FGF13: variants seen among roughly 807,000 people sequenced by gnomAD.
The protein encoded by FGF13 is fibroblast growth factor 13.
FGF13 carries 2 observed loss-of-function variants against 19.5 expected under a neutral mutation model. The observed-to-expected ratio is 0.10, with a 90% confidence interval of 0.04 to 0.32. The LOEUF (loss-of-function observed/expected upper bound fraction) is 0.32, where lower values mean the gene tolerates loss of function less well. Among genes scored for constraint, FGF13 ranks in the 10% least tolerant of loss-of-function variants. The pLI, the probability that FGF13 is intolerant of heterozygous loss-of-function variation, is 1.00. For synonymous variants in FGF13, 72 were observed against 76.9 expected (o/e 0.94, Z 0.33); for missense variants, 113 against 192.7 (o/e 0.59, Z 2.45).
chrX:138,734,300 T>C (rs974180367), intron 1 of FGF13, among the ~76,000 whole-genome samples: 3 of 111,948 alleles, frequency 2.7e-5, no homozygotes, highest in Non-Finnish European at 5.6e-5. Flanking sequence ...CTTGGTATTC[T>C]ACTGTATAGC....
chrX:138,896,226 TTGTG>T (rs201486024), intron 1 of FGF13, among the ~76,000 whole-genome samples: 3 of 111,327 alleles, frequency 2.7e-5, no homozygotes, highest in Non-Finnish European at 5.7e-5. Flanking sequence ...ATTCCACAAT[TTGTG>T]TGTGTGTGTA....
intron 1 of FGF13, among the ~76,000 whole-genome samples, chrX:138,937,952 G>C (rs1225393839): frequency 9.0e-6 from 1 of 111,422 alleles, no homozygotes; most frequent in Non-Finnish European, 1.9e-5. Context: ...ATGAAGGCAA[G>C]AAAGCCCAGA....
At chrX:139,079,464 A>G (rs1187749727) in intron 1 of FGF13, among the ~76,000 whole-genome samples, 2 of 111,325 alleles carry the variant, frequency 1.8e-5, no homozygotes, top group Non-Finnish European at 3.8e-5. Flanking sequence ...TGTCTTCAGA[A>G]TATATATTAT....
downstream of FGF13, among the ~76,000 whole-genome samples, chrX:138,854,268 A>T: frequency 1.8e-5 from 2 of 111,810 alleles, 1 homozygote; most frequent in Middle Eastern, 9.3e-3. Flanking sequence ...TGAAAATCGC[A>T]AATGTTTGGA....
At chrX:138,913,116 T>G (rs1408796381) in intron 1 of FGF13, among the ~76,000 whole-genome samples, 1 of 110,270 alleles carries the variant, frequency 9.1e-6, no homozygotes, top group East Asian at 2.8e-4. Context: ...ACAGCATCAT[T>G]TTACTTTTAA....
At chrX:138,692,045 T>G (rs73241064) in intron 3 of FGF13, among the ~76,000 whole-genome samples, 10,706 of 111,099 alleles carry the variant, frequency 0.096, 414 homozygotes, top group Middle Eastern at 0.17. Flanking sequence ...TGCTGTAGCT[T>G]CCAATTTTTT....
intron 1 of FGF13, among the ~76,000 whole-genome samples, chrX:138,969,482 T>C (rs1486753258): frequency 1.8e-5 from 2 of 111,774 alleles, no homozygotes; most frequent in Non-Finnish European, 3.8e-5. Flanking sequence ...AAGCAGTTTG[T>C]GGAGAAGAAT....
chrX:138,877,866 G>A lies in FGF13; in HGVS notation c.-112-13216C>T, dbSNP rs182309410. Among the ~76,000 whole-genome samples, 624 of 111,836 alleles carry A rather than the reference G, an allele frequency of 5.6e-3. 2 individuals are homozygous for A. The highest frequency in any genetic ancestry group is 8.4e-3 in the Non-Finnish European group (445 of 53,159). ...GGTTGTTTCCACCTTTGAGCTAATC[G>A]TGAGTAACACTACAGTGAACTTTGG... On this transcript the variant is annotated intron_variant, in intron 1 of 2. Coordinates refer to the FGF13 transcript ENST00000421460.
At chrX:139,004,252 C>T (rs5976247) in intron 1 of FGF13, among the ~76,000 whole-genome samples, 38 of 112,924 alleles carry the variant, frequency 3.4e-4, no homozygotes, top group African/African-American at 8.3e-4. Flanking sequence ...GTACACCCTC[C>T]GCAGCCACTG....
At chrX:139,002,315 T>A (rs1341805080) in intron 1 of FGF13, among the ~76,000 whole-genome samples, 3 of 111,559 alleles carry the variant, frequency 2.7e-5, no homozygotes, top group African/African-American at 9.8e-5. Context: ...GTTGTACACA[T>A]ATATCCCAGA....
At chrX:138,650,535 T>C (rs937014683) in intron 3 of FGF13, among the ~76,000 whole-genome samples, 23 of 111,905 alleles carry the variant, frequency 2.1e-4, no homozygotes, top group African/African-American at 6.8e-4. Flanking sequence ...TAGCCAAATA[T>C]GAGTCAATTA....
At chrX:138,727,079 AT>A (rs1166976216) in intron 1 of FGF13, among the ~76,000 whole-genome samples, 4 of 110,732 alleles carry the variant, frequency 3.6e-5, no homozygotes, top group Non-Finnish European at 5.7e-5. Context: ...TGTGTATCTC[AT>A]TTTTTTCTGA....
intron 3 of FGF13, among the ~76,000 whole-genome samples, chrX:138,774,991 G>C (rs767058393): frequency 4.4e-5 from 5 of 112,372 alleles, no homozygotes; most frequent in Non-Finnish European, 1.9e-5. Flanking sequence ...ACAGGGTCTT[G>C]CTCTGCCACC....
chrX:138,847,436 G>A (rs1403211000), intron 3 of FGF13, among the ~76,000 whole-genome samples: 6 of 111,509 alleles, frequency 5.4e-5, no homozygotes, highest in Non-Finnish European at 1.1e-4. Flanking sequence ...AGCTGGACAT[G>A]CTTCTGAGAA....
intron 3 of FGF13, among the ~76,000 whole-genome samples, chrX:138,759,529 C>T (rs1195081286): frequency 7.1e-5 from 8 of 112,178 alleles, no homozygotes; most frequent in Non-Finnish European, 1.5e-4. Flanking sequence ...AAAAGATCAG[C>T]TTGCTGTTCT....
chrX:138,784,865 A>G (rs778112727), intron 3 of FGF13, among the ~76,000 whole-genome samples: 3 of 111,984 alleles, frequency 2.7e-5, no homozygotes, highest in African/African-American at 9.7e-5. Flanking sequence ...AACTCTAGTT[A>G]ACTCTACTCT....
intron 3 of FGF13, among the ~76,000 whole-genome samples, chrX:138,763,351 C>G (rs1265891509): frequency 9.0e-6 from 1 of 110,864 alleles, no homozygotes; most frequent in Non-Finnish European, 1.9e-5. Flanking sequence ...TTACTACCTA[C>G]AAGTCCAGCT....
chrX:138,754,104 T>G (rs1460367937), intron 3 of FGF13, among the ~76,000 whole-genome samples: 1 of 111,997 alleles, frequency 8.9e-6, no homozygotes, highest in Non-Finnish European at 1.9e-5. Flanking sequence ...TAATACACAG[T>G]CTTAACTGGA....
intron 1 of FGF13, among the ~76,000 whole-genome samples, chrX:138,899,578 C>T (rs2091521565): frequency 9.0e-6 from 1 of 110,866 alleles, no homozygotes; most frequent in East Asian, 2.9e-4. Flanking sequence ...ACTTGGTCCA[C>T]GATACACATA....
Sources: allele counts gnomAD v4.1 joint callset (sites outside exome capture counted in the v4.1 genomes callset), GRCh38; gene constraint gnomAD v4.1.1; transcripts MANE v1.5; gene names NCBI Gene and HGNC (gene_info 2026-07-23, HGNC 2026-07-21).